CELF2: variants seen among roughly 807,000 people sequenced by gnomAD.
CELF2 encodes the protein CUGBP Elav-like family member 2, also known as CUG triplet repeat RNA-binding protein 2.
In CELF2, 8 loss-of-function variants were observed where a neutral mutation model predicts 62.6. The observed-to-expected ratio is 0.13, with a 90% CI of 0.07 to 0.23. The LOEUF (loss-of-function observed/expected upper bound fraction) is 0.23. CELF2 is among the 10% of genes least tolerant of loss of function. The pLI is 1.00. For missense variants in CELF2, 333 were observed against 671.0 expected, an observed-to-expected ratio of 0.50 and a Z score of 5.56; for synonymous variants, 258 against 250.0, an observed-to-expected ratio of 1.03 and a Z score of -0.30.
At chr10:11,186,513 T>C (rs1303025218) in intron 2 of CELF2, among the ~76,000 whole-genome samples, 4 of 152,216 alleles carry the variant, frequency 2.6e-5, no homozygotes, top group Non-Finnish European at 5.9e-5. Flanking sequence ...AATTCTGATA[T>C]GCTGTAGTTT....
Position 11,039,920 on chromosome 10 carries a change from A to G in CELF2, c.74+21757A>G, listed in dbSNP as rs2061535163. Among the ~76,000 whole-genome samples, 2 of 152,162 alleles carry G rather than the reference A, an allele frequency of 1.3e-5. No individual in the cohort carries two copies. Among genetic ancestry groups the G allele is most frequent in the South Asian group, 2.1e-4 (1 of 4,832 alleles). On this transcript the variant is annotated intron_variant, in intron 1 of 12. Transcript: ENST00000633077. This position sits in a 1 kb window ranked among gnomAD's most constrained non-coding sequence, Gnocchi z 4.1. ...CTTCCTGTTTGTTTTTGTCAAGCTA[A>G]TATTATTTACAAAAACCATCCCAAG...
chr10:11,285,751 A>G lies in CELF2; in HGVS notation c.842-2667A>G, dbSNP rs904389714. On this transcript the variant is annotated intron_variant, in intron 8 of 12. Coordinates refer to ENST00000633077, the MANE Select transcript of CELF2 (RefSeq NM_001326342.2). The surrounding 1 kb of genome is among the most constrained non-coding windows in gnomAD (Gnocchi z 4.3). ...CAGACAATACTCTTCAGAGCAATTT[A>G]TGTAAATGTCAAACTTGTCTGTTAC... 5.3e-5 allele frequency among the ~76,000 whole-genome samples: 8 copies of G among 152,162 alleles called. No individual in the cohort carries two copies. The highest frequency in any genetic ancestry group is 1.7e-4 in the African/African-American group (7 of 41,436).
At chr10:11,088,346 A>G (rs1418387879) in intron 1 of CELF2, among the ~76,000 whole-genome samples, 1 of 152,256 alleles carries the variant, frequency 6.6e-6, no homozygotes. Context: ...AGATGGGAAC[A>G]TCATCAGTGG....
the CELF2 span, among the ~76,000 whole-genome samples, chr10:10,757,009 G>T: frequency 6.6e-6 from 1 of 152,142 alleles, no homozygotes; most frequent in Non-Finnish European, 1.5e-5. Context: ...AGGCGTGGTG[G>T]CACGTGCCTG....
chr10:10,731,652 T>G, the CELF2 span, among the ~76,000 whole-genome samples: 1 of 152,308 alleles, frequency 6.6e-6, no homozygotes, highest in African/African-American at 2.4e-5. Flanking sequence ...AAATAACACT[T>G]CTAGAAAGAA....
In CELF2 at chr10:11,321,011, C is replaced by T; in HGVS notation, c.1097-178C>T. On this transcript the variant is annotated intron_variant, in intron 10 of 12. Coordinates refer to ENST00000633077, the MANE Select transcript of CELF2 (RefSeq NM_001326342.2). This position sits in a 1 kb window ranked among gnomAD's most constrained non-coding sequence, Gnocchi z 6.2. ...GGGTTCTCATGGCTTAGGTCATTTT[C>T]CCCCATTATCACGATTTATTTCTTC... 2 of 1,357,280 alleles carry T rather than the reference C, an allele frequency of 1.5e-6. No homozygotes were observed. Among genetic ancestry groups the T allele is most frequent in the Admixed American group, 4.5e-5 (2 of 44,154 alleles). The allele number at this position is 1,357,280 out of a possible 1,614,324, so 84.1% of individuals were successfully genotyped here.
chr10:10,944,531 G>A (rs1189933202), intron 2 of CELF2, among the ~76,000 whole-genome samples: 1 of 152,160 alleles, frequency 6.6e-6, no homozygotes, highest in Non-Finnish European at 1.5e-5. Context: ...CAACTTTAGA[G>A]GGGGCAAGAG....
intron 1 of CELF2, among the ~76,000 whole-genome samples, chr10:11,153,778 C>A (rs1596277322): frequency 6.6e-6 from 1 of 152,228 alleles, no homozygotes; most frequent in East Asian, 1.9e-4. Flanking sequence ...AGTCCCTAAA[C>A]TGGCATCTTG....
chr10:10,743,722 A>G, the CELF2 span, among the ~76,000 whole-genome samples: 1 of 152,188 alleles, frequency 6.6e-6, no homozygotes, highest in African/African-American at 2.4e-5. Flanking sequence ...AGTGGTTGCT[A>G]TGGAAATTAT....
At chr10:11,195,462 G>A (rs947964367) in intron 2 of CELF2, among the ~76,000 whole-genome samples, 3 of 152,148 alleles carry the variant, frequency 2.0e-5, no homozygotes, top group Non-Finnish European at 2.9e-5. Context: ...GTTCCTAATC[G>A]TAGACACAAA....
intron 8 of CELF2, among the ~76,000 whole-genome samples, chr10:11,282,047 G>A (rs2089054317): frequency 6.6e-6 from 1 of 152,134 alleles, no homozygotes; most frequent in African/African-American, 2.4e-5. Flanking sequence ...ACTCCCAGTG[G>A]ATATGGGGAC....
At chr10:10,866,986 A>G (rs1244214856) in intron 1 of CELF2, among the ~76,000 whole-genome samples, 1 of 152,054 alleles carries the variant, frequency 6.6e-6, no homozygotes, top group African/African-American at 2.4e-5. Flanking sequence ...GCAATTATGC[A>G]GAATAAGGCA....
At chr10:10,706,351 G>T in the CELF2 span, among the ~76,000 whole-genome samples, 1 of 152,176 alleles carries the variant, frequency 6.6e-6, no homozygotes, top group African/African-American at 2.4e-5. Context: ...GTGAATAAAT[G>T]AGTGAATGGA....
chr10:11,173,530 A>G (rs879421222), intron 2 of CELF2, among the ~76,000 whole-genome samples: 3 of 152,238 alleles, frequency 2.0e-5, no homozygotes, highest in African/African-American at 7.2e-5. Context: ...GAAGTTTATT[A>G]TCTTGAATAA....
chr10:11,331,497 C>A lies in CELF2; in HGVS notation c.*2444C>A, dbSNP rs2096019890. Reference sequence around the variant, plus strand: ...AGAAAAAAAGTGAAAATATATAGTGCCAAATTCCAAAGGTACTTCCTTCCT... The same window carrying A: ...AGAAAAAAAGTGAAAATATATAGTGACAAATTCCAAAGGTACTTCCTTCCT... On this transcript the variant is annotated 3_prime_UTR_variant, in exon 13 of 13. Transcript: ENST00000633077. 1 of 150,742 alleles carries A rather than the reference C, an allele frequency of 6.6e-6. No homozygotes were observed. The highest frequency in any genetic ancestry group is 6.6e-5 in the Admixed American group (1 of 15,098). 9.3% of individuals were successfully genotyped at this position (150,742 alleles called of 1,614,324 possible).
chr10:10,594,238 G>T, the CELF2 span, among the ~76,000 whole-genome samples: 1 of 152,188 alleles, frequency 6.6e-6, no homozygotes, highest in African/African-American at 2.4e-5. Flanking sequence ...AGATTTTCTA[G>T]CTTAGGTGAC....
At chr10:11,097,801 G>A (rs913320465) in intron 1 of CELF2, among the ~76,000 whole-genome samples, 6 of 152,224 alleles carry the variant, frequency 3.9e-5, no homozygotes, top group African/African-American at 1.4e-4. Context: ...GGTGGATGGT[G>A]GATCTCTCTG....
intron 2 of CELF2, chr10:10,935,134 C>T (rs1197690286): frequency 1.3e-5 from 2 of 152,158 alleles, no homozygotes; most frequent in East Asian, 1.9e-4. Flanking sequence ...GCAACAGAAT[C>T]GTGTACGCTG....
the CELF2 span, among the ~76,000 whole-genome samples, chr10:10,465,026 CCTT>C: frequency 1.1e-3 from 171 of 152,216 alleles, no homozygotes; most frequent in African/African-American, 4.0e-3. Context: ...AGGATTTTCA[CCTT>C]CTACTTGCAC....
Sources: gnomAD v4.1 joint callset for allele counts (sites outside exome capture counted in the v4.1 genomes callset) on GRCh38, gnomAD v4.1.1 for gene constraint, Gnocchi (gnomAD v3.1) non-coding constraint, MANE v1.5 for transcripts, NCBI Gene and HGNC (gene_info 2026-07-23, HGNC 2026-07-21) for gene names.